Variants in ZFHX3 observed in about 807,000 individuals in gnomAD.
ZFHX3 encodes zinc finger homeobox 3.
In ZFHX3, 42 loss-of-function variants were observed where a neutral mutation model predicts 279.1. That is an observed-to-expected ratio of 0.15 (90% CI 0.12 to 0.19). The LOEUF (loss-of-function observed/expected upper bound fraction) is 0.19, where lower values mean the gene tolerates loss of function less well. Ranked by LOEUF, ZFHX3 falls within the 10% of genes least tolerant of loss-of-function variation. The pLI, the probability that ZFHX3 is intolerant of heterozygous loss-of-function variation, is 1.00. For missense variants in ZFHX3, 4,981 were observed against 4,754.0 expected (o/e 1.05, Z -1.40); for synonymous variants, 2,293 against 1,957.8 (o/e 1.17, Z -4.52).
At chr16:72,882,975 GGGGTGTGTGTGTGT>G (rs1567563201) in intron 4 of ZFHX3, among the ~76,000 whole-genome samples, 4 of 113,386 alleles carry the variant, frequency 3.5e-5, no homozygotes, top group East Asian at 2.7e-4. Flanking sequence ...ACACCACTCT[GGGGTGTGTGTGTGT>G]GTGTGTGTGT....
At chr16:73,054,790 C>G (rs924972539) in intron 1 of ZFHX3, among the ~76,000 whole-genome samples, 2 of 152,078 alleles carry the variant, frequency 1.3e-5, no homozygotes, top group Non-Finnish European at 2.9e-5. Flanking sequence ...TTGCTCCTCT[C>G]TGTAATACCC....
At chr16:73,839,457 G>C (rs1306815579) in intron 1 of ZFHX3, among the ~76,000 whole-genome samples, 1 of 148,120 alleles carries the variant, frequency 6.8e-6, no homozygotes, top group Non-Finnish European at 1.5e-5. Context: ...ATGAGCATAT[G>C]AAGAGCCAAC....
At chr16:73,625,391 T>C (rs954985104) in intron 2 of ZFHX3, among the ~76,000 whole-genome samples, 13 of 152,240 alleles carry the variant, frequency 8.5e-5, no homozygotes, top group African/African-American at 3.1e-4. Flanking sequence ...AGTTTAAATG[T>C]AATAGAAGCA....
chr16:73,266,082 C>T (rs1286175660), intron 4 of ZFHX3, among the ~76,000 whole-genome samples: 1 of 152,206 alleles, frequency 6.6e-6, no homozygotes, highest in Non-Finnish European at 1.5e-5. Flanking sequence ...TGAAGTTTTT[C>T]AGGAGAAAGA....
chr16:72,897,753 T>TA (rs2038934090), intron 3 of ZFHX3, among the ~76,000 whole-genome samples: 2 of 152,312 alleles, frequency 1.3e-5, no homozygotes, highest in African/African-American at 4.8e-5. Flanking sequence ...CACACACTTT[T>TA]AAATTTTCAC....
chr16:73,224,676 G>T (rs1377862052), intron 5 of ZFHX3, among the ~76,000 whole-genome samples: 2 of 152,196 alleles, frequency 1.3e-5, no homozygotes, highest in East Asian at 3.8e-4. Flanking sequence ...ATGTAGAATT[G>T]TTTGCTAAAA....
chr16:72,973,785 T>G (rs576794557), intron 1 of ZFHX3: 1 of 152,108 alleles, frequency 6.6e-6, no homozygotes, highest in Non-Finnish European at 1.5e-5. Flanking sequence ...GGCATGAGAA[T>G]TGCTGGAACC....
intron 8 of ZFHX3, among the ~76,000 whole-genome samples, chr16:73,089,609 G>A (rs1966047602): frequency 6.6e-6 from 1 of 152,178 alleles, no homozygotes; most frequent in South Asian, 2.1e-4. Flanking sequence ...TGCACTGACT[G>A]GCATGAATCA....
At chr16:73,873,791 C>T (rs2029878240) in intron 1 of ZFHX3, among the ~76,000 whole-genome samples, 1 of 152,068 alleles carries the variant, frequency 6.6e-6, no homozygotes, top group Non-Finnish European at 1.5e-5. Flanking sequence ...GCTCACGTGA[C>T]TAAATAATCT....
rs755439023 is a variant in ZFHX3 at position 72,959,734 on chromosome 16, C to T, written c.412G>A (p.Asp138Asn). ...CTCTCCACAATGTACGCGGAGCCGT[C>T]CGGCTGGTAGACGATCTCCCCGGCC... ...NLAGEIVYQP[D>N]GSAYIVESLS... Residue 138 changes from aspartate to asparagine, a missense_variant, in exon 2 of 10, where the codon GAC (aspartate) becomes AAC (asparagine). By Grantham distance (23) the Asp-to-Asn change is conservative. Coordinates refer to ENST00000268489, the MANE Select transcript of ZFHX3 (RefSeq NM_006885.4). 1.9e-6 allele frequency: 3 copies of T among 1,612,842 alleles called. No homozygotes were observed. The highest frequency in any genetic ancestry group is 1.7e-4 in the Middle Eastern group (1 of 6,058).
intron 2 of ZFHX3, among the ~76,000 whole-genome samples, chr16:73,555,649 G>A (rs2020267412): frequency 1.3e-5 from 2 of 151,610 alleles, no homozygotes; most frequent in African/African-American, 4.8e-5. Flanking sequence ...TGGCCAATAT[G>A]GTGAAACCCC....
intron 8 of ZFHX3, among the ~76,000 whole-genome samples, chr16:73,068,672 G>A (rs1205221518): frequency 6.6e-6 from 1 of 152,184 alleles, no homozygotes; most frequent in Non-Finnish European, 1.5e-5. Flanking sequence ...ACTTCTGTGA[G>A]TCAGCAGGGC....
chr16:73,491,992 A>T (rs1567500176), intron 2 of ZFHX3, among the ~76,000 whole-genome samples: 1 of 152,246 alleles, frequency 6.6e-6, no homozygotes, highest in Non-Finnish European at 1.5e-5. Context: ...GCCAGAAGCA[A>T]TTGCTTCCTT....
At chr16:73,721,533 A>G (rs79006313) in intron 1 of ZFHX3, among the ~76,000 whole-genome samples, 2,613 of 152,250 alleles carry the variant, frequency 0.017, 75 homozygotes, top group African/African-American at 0.06. Context: ...CTGAATCTGT[A>G]ATAAACAGAA....
intron 1 of ZFHX3, among the ~76,000 whole-genome samples, chr16:73,869,121 A>G (rs1435356680): frequency 6.6e-6 from 1 of 152,200 alleles, no homozygotes; most frequent in Non-Finnish European, 1.5e-5. Flanking sequence ...CATGTTCACA[A>G]CACTCTTTTA....
At chr16:73,299,256 A>G (rs1053456578) in intron 4 of ZFHX3, among the ~76,000 whole-genome samples, 10 of 152,120 alleles carry the variant, frequency 6.6e-5, no homozygotes, top group African/African-American at 1.9e-4. Context: ...GCATCCGAAC[A>G]TTGCTGTTCA....
At chr16:73,405,253 T>G (rs976681336) in intron 3 of ZFHX3, among the ~76,000 whole-genome samples, 31 of 152,234 alleles carry the variant, frequency 2.0e-4, no homozygotes, top group African/African-American at 7.0e-4. Flanking sequence ...CTGAATTTTT[T>G]AAATTTAGGG....
intron 1 of ZFHX3, among the ~76,000 whole-genome samples, chr16:73,842,960 G>A (rs1018990976): frequency 2.0e-5 from 3 of 152,110 alleles, no homozygotes; most frequent in South Asian, 2.1e-4. Context: ...CCCACTTTAC[G>A]ATTTGTGAAT....
intron 4 of ZFHX3, among the ~76,000 whole-genome samples, chr16:72,875,271 G>A (rs1003349964): frequency 6.6e-6 from 1 of 152,184 alleles, no homozygotes; most frequent in Admixed American, 6.5e-5. Flanking sequence ...ACTGAATACG[G>A]CAGATACCTG....
Sources: gnomAD v4.1 joint callset for allele counts (sites outside exome capture counted in the v4.1 genomes callset) on GRCh38, gnomAD v4.1.1 for gene constraint, MANE v1.5 for transcripts, NCBI Gene and HGNC (gene_info 2026-07-23, HGNC 2026-07-21) for gene names.